Variants in ABCC5 observed in about 807,000 individuals in gnomAD.
ABCC5 encodes ATP binding cassette subfamily C member 5.
Under a neutral mutation model 160.9 loss-of-function variants are expected in ABCC5, and 61 were observed. The ratio of observed to expected loss-of-function variants is 0.38; its 90% confidence interval spans 0.31 to 0.47. The LOEUF (loss-of-function observed/expected upper bound fraction) is 0.47. Ranked by LOEUF, ABCC5 falls within the 20% of genes least tolerant of loss-of-function variation. The pLI, the probability that ABCC5 is intolerant of heterozygous loss-of-function variation, is 0.99. For missense variants in ABCC5, 1,308 were observed against 1,813.3 expected, an observed-to-expected ratio of 0.72 and a Z score of 5.06; for synonymous variants, 666 against 700.6, an observed-to-expected ratio of 0.95 and a Z score of 0.78.
intron 2 of ABCC5, among the ~76,000 whole-genome samples, chr3:183,992,817 A>G (rs1719899574): frequency 6.6e-6 from 1 of 152,096 alleles, no homozygotes; most frequent in South Asian, 2.1e-4. Context: ...AAAAAAATAA[A>G]AGAAGAAAAA....
At chr3:183,976,579 A>G (rs990639774) in intron 10 of ABCC5, among the ~76,000 whole-genome samples, 2 of 152,124 alleles carry the variant, frequency 1.3e-5, no homozygotes, top group Non-Finnish European at 2.9e-5. Context: ...TGACCAAATA[A>G]AAGTCACCCG....
intron 17 of ABCC5, among the ~76,000 whole-genome samples, chr3:183,957,367 C>T (rs1255171570): frequency 1.6e-5 from 2 of 127,456 alleles, no homozygotes; most frequent in African/African-American, 2.9e-5. Flanking sequence ...CATGCGGGTC[C>T]GTGTGTATAT....
At chr3:183,933,060 G>A (rs528061318) in intron 26 of ABCC5, among the ~76,000 whole-genome samples, 119 of 151,686 alleles carry the variant, frequency 7.8e-4, no homozygotes, top group African/African-American at 2.7e-3. Context: ...CCCAGCTACT[G>A]GGGAAGCTGA....
At chr3:183,958,569 C>T (rs924111153) in intron 17 of ABCC5, among the ~76,000 whole-genome samples, 9 of 152,032 alleles carry the variant, frequency 5.9e-5, no homozygotes, top group Non-Finnish European at 1.3e-4. Flanking sequence ...ATTCAAAATC[C>T]CATACCTTTT....
rs749412203 is a variant in ABCC5, at chr3:183,981,893, C to T, written c.1000-19G>A. On this transcript the variant is annotated intron_variant, in intron 7 of 29. Transcript: ENST00000334444. ...CAAACATCTGAAAGGAAAAGCGATGCCACGCCAAATTAAAGCTCATTCAAA... is the reference window on the plus strand; with the variant it reads ...CAAACATCTGAAAGGAAAAGCGATGTCACGCCAAATTAAAGCTCATTCAAA... 5.1e-6 allele frequency: 8 copies of T among 1,581,360 alleles called. No homozygotes were observed. The South Asian group carries it at 7.1e-5, about 14-fold the overall frequency.
In ABCC5 at chr3:183,965,171, C is replaced by T. The variant is rs765577116; in HGVS notation, c.2031+14G>A. 3.7e-5 allele frequency: 59 copies of T among 1,613,376 alleles called. No individual in the cohort carries two copies. Among genetic ancestry groups the T allele is most frequent in the East Asian group, 2.9e-4 (13 of 44,888 alleles). ...ACTCTGCTAAATGCCTGGTCAGGGG[C>T]GGAAGGCCTGTACCTCCGTCAGGTC... On this transcript the variant is annotated intron_variant, in intron 14 of 29. Transcript: ENST00000334444.
intron 16 of ABCC5, among the ~76,000 whole-genome samples, chr3:183,960,296 T>C (rs1577535010): frequency 6.6e-6 from 1 of 152,182 alleles, no homozygotes; most frequent in Admixed American, 6.5e-5. Context: ...CTCACTGGTG[T>C]CCACAGCCCC....
At chr3:183,954,900 C>T (rs1183046638) in intron 17 of ABCC5, among the ~76,000 whole-genome samples, 3 of 151,964 alleles carry the variant, frequency 2.0e-5, no homozygotes, top group Admixed American at 6.6e-5. Flanking sequence ...TGGTTTGATC[C>T]GGAAAGGTGG....
chr3:183,938,337 T>A (rs762553481), intron 25 of ABCC5, among the ~76,000 whole-genome samples: 1 of 152,130 alleles, frequency 6.6e-6, no homozygotes, highest in Admixed American at 6.5e-5. Flanking sequence ...CTCACTCTGC[T>A]GCCCAGGCTG....
intron 17 of ABCC5, among the ~76,000 whole-genome samples, chr3:183,956,280 G>A (rs1445720450): frequency 5.4e-5 from 8 of 147,776 alleles, no homozygotes; most frequent in Admixed American, 1.3e-4. Context: ...ATGCAGATCC[G>A]TGTGTATATC....
Position 183,921,381 on chromosome 3 carries a change from T to C in ABCC5, c.4233A>G (p.Pro1411=), listed in dbSNP as rs201768950. 2.4e-5 allele frequency: 39 copies of C among 1,613,092 alleles called. No homozygotes were observed. Among genetic ancestry groups the C allele is most frequent in the East Asian group, 4.5e-5 (2 of 44,784 alleles). The change falls in exon 30 of 30, where the codon CCA becomes CCG. Residue 1411 remains proline, a synonymous_variant. Transcript: ENST00000334444. The surrounding 1 kb of genome is among the most constrained non-coding windows in gnomAD (Gnocchi z 4.1). ...AACTGTCGTTGGACAGAAGGACCGA[T>C]GGGGTGTCAAACTCCACCACCTGCA... ...AQGQVVEFDT[P]SVLLSNDSSR... is the part of the protein sequence containing the mutation.
At chr3:183,983,120 A>G in intron 5 of ABCC5, 113 bp from the exon 6 acceptor site, 1 of 989,808 alleles carries the variant, frequency 1.0e-6, no homozygotes, top group Non-Finnish European at 1.5e-6. Flanking sequence ...ACCAGTGCGC[A>G]AGCAAAGCAA....
At chr3:183,937,792 A>C in intron 26 of ABCC5, 109 bp downstream of exon 26, 29 of 1,211,042 alleles carry the variant, frequency 2.4e-5, no homozygotes, top group African/African-American at 4.5e-5. Context: ...GCACCAGACT[A>C]GAGATGGTGA....
At chr3:183,977,672 CTG>C (rs1166319145) in intron 9 of ABCC5, 48 bp from the exon 10 acceptor site, 1 of 1,308,298 alleles carries the variant, frequency 7.6e-7, no homozygotes, top group African/African-American at 1.5e-5. Flanking sequence ...TGCTATGCAA[CTG>C]AAGTAACCTG....
At chr3:183,942,151 T>A (rs1021044443) in intron 25 of ABCC5, among the ~76,000 whole-genome samples, 2 of 151,938 alleles carry the variant, frequency 1.3e-5, no homozygotes, top group Non-Finnish European at 2.9e-5. Flanking sequence ...GCCATTCTCC[T>A]GCCTCAGCCT....
intron 10 of ABCC5, among the ~76,000 whole-genome samples, chr3:183,974,696 T>C (rs973575107): frequency 2.0e-5 from 3 of 152,248 alleles, no homozygotes; most frequent in Non-Finnish European, 4.4e-5. Context: ...CCTGTGTCTG[T>C]ATTTGCTAGA....
chr3:184,007,124 G>A lies in ABCC5; in HGVS notation c.129+7140C>T, dbSNP rs529280869. Among the ~76,000 whole-genome samples, 67 of 147,650 alleles carry A rather than the reference G, an allele frequency of 4.5e-4. 3 individuals carry two copies. In the East Asian group the frequency reaches 6.8e-3, roughly 15 times the overall value. On this transcript the variant is annotated intron_variant, in intron 2 of 29. Coordinates refer to ENST00000334444, the MANE Select transcript of ABCC5 (RefSeq NM_005688.4). ...CAAACTCTGGCTCCCGGGTTCAAGCGATTCTCCTGCCTCAGTCTCCCGAGT... is the reference window on the plus strand; with the variant it reads ...CAAACTCTGGCTCCCGGGTTCAAGCAATTCTCCTGCCTCAGTCTCCCGAGT...
At chr3:183,929,337 G>A (rs933968164) in intron 26 of ABCC5, among the ~76,000 whole-genome samples, 2 of 152,148 alleles carry the variant, frequency 1.3e-5, no homozygotes, top group African/African-American at 4.8e-5. Context: ...GAAAGCTGAG[G>A]CAGGAGAATT....
Position 184,017,398 on chromosome 3 carries a change from A to T in ABCC5, c.-56+432T>A, listed in dbSNP as rs1433751905. 1 of 152,236 alleles carries T rather than the reference A, an allele frequency of 6.6e-6. No homozygotes were observed. The highest frequency in any genetic ancestry group is 1.5e-5 in the Non-Finnish European group (1 of 68,064). 9.4% of individuals were successfully genotyped at this position (152,236 alleles called of 1,614,324 possible). A position where few individuals can be genotyped will look rare whatever the true frequency, so the allele number is the denominator to read the frequency against. Reference sequence around the variant, plus strand: ...GCTGCGGGTTGAGCAGGGTGCCCCGAGCCACCCGCTGCACAGCCTCCCAGG... The same window carrying T: ...GCTGCGGGTTGAGCAGGGTGCCCCGTGCCACCCGCTGCACAGCCTCCCAGG... On this transcript the variant is annotated intron_variant, in intron 1 of 29. Coordinates refer to ENST00000334444, the MANE Select transcript of ABCC5 (RefSeq NM_005688.4). The surrounding 1 kb of genome is among the most constrained non-coding windows in gnomAD (Gnocchi z 4.5).
Sources: gnomAD v4.1 joint callset for allele counts (sites outside exome capture counted in the v4.1 genomes callset) on GRCh38, gnomAD v4.1.1 for gene constraint, Gnocchi (gnomAD v3.1) non-coding constraint, MANE v1.5 for transcripts, NCBI Gene and HGNC (gene_info 2026-07-23, HGNC 2026-07-21) for gene names.